NSD3: variants seen among roughly 807,000 people sequenced by gnomAD.
The protein encoded by NSD3 is nuclear receptor binding SET domain protein 3, also known as histone-lysine N-methyltransferase NSD3.
In NSD3, 24 loss-of-function variants were observed where a neutral mutation model predicts 160.8. The ratio of observed to expected loss-of-function variants is 0.15; its 90% confidence interval spans 0.11 to 0.21. The LOEUF is 0.21. Among genes scored for constraint, NSD3 ranks in the 10% least tolerant of loss-of-function variants. NSD3 has a pLI of 1.00. For synonymous variants in NSD3, 520 were observed against 600.0 expected, an observed-to-expected ratio of 0.87 and a Z score of 1.95; for missense variants, 1,157 against 1,735.9, an observed-to-expected ratio of 0.67 and a Z score of 5.93.
At chr8:38,311,200 C>A (rs925693690) in intron 12 of NSD3, among the ~76,000 whole-genome samples, 2 of 151,902 alleles carry the variant, frequency 1.3e-5, no homozygotes, top group African/African-American at 2.4e-5. Context: ...CAGGCATGAG[C>A]CATTGCACCT....
intron 12 of NSD3, among the ~76,000 whole-genome samples, chr8:38,311,260 C>T (rs1809529324): frequency 6.6e-6 from 1 of 152,024 alleles, no homozygotes; most frequent in Admixed American, 6.6e-5. Flanking sequence ...TGTATATTGA[C>T]CATCTGCCTA....
chr8:38,369,559 A>G (rs1390105423), intron 1 of NSD3, among the ~76,000 whole-genome samples: 1 of 152,210 alleles, frequency 6.6e-6, no homozygotes. Context: ...TTTTGTGTAC[A>G]CTATTTTTCT....
chr8:38,360,074 C>A (rs953471093), intron 1 of NSD3, among the ~76,000 whole-genome samples: 2 of 151,198 alleles, frequency 1.3e-5, no homozygotes, highest in African/African-American at 4.9e-5. Flanking sequence ...CAGCTCATGG[C>A]AGCCTCAACT....
chr8:38,294,844 T>A (rs552738271), intron 16 of NSD3, among the ~76,000 whole-genome samples: 120 of 151,364 alleles, frequency 7.9e-4, no homozygotes, highest in African/African-American at 2.1e-3. Flanking sequence ...TAAAAAAAAA[T>A]TTTTAAAGTT....
At position 38,304,655 on chromosome 8, in the gene NSD3, C is replaced by T; in HGVS notation, c.2543G>A (p.Ser848Asn). ...ATTACTGCTCCGTTTGGAATGATTA[C>T]TACAGATGAGAATGTAGGAGGATAC... Reference protein sequence around the residue: ...MLVSSYILICSNHSKRSSNSS... With the variant: ...MLVSSYILICNNHSKRSSNSS... The change falls in exon 14 of 24, where the codon AGT becomes AAT. Residue 848 changes from serine (S) to asparagine (N), a missense_variant. Physicochemically the swap from Ser to Asn is conservative, Grantham distance 46. Coordinates refer to ENST00000317025, the MANE Select transcript of NSD3 (RefSeq NM_023034.2). The T allele has an allele frequency of 1.2e-6, 2 of 1,614,096 alleles. No individual in the cohort carries two copies. The highest frequency in any genetic ancestry group is 1.7e-6 in the Non-Finnish European group (2 of 1,180,004).
chr8:38,313,105 G>A (rs1267246736), intron 12 of NSD3, among the ~76,000 whole-genome samples: 1 of 152,218 alleles, frequency 6.6e-6, no homozygotes, highest in African/African-American at 2.4e-5. Context: ...TTTTACTGCA[G>A]AGTCTAAATG....
intron 1 of NSD3, among the ~76,000 whole-genome samples, chr8:38,373,330 C>T (rs1215255667): frequency 2.0e-5 from 3 of 151,950 alleles, no homozygotes; most frequent in Non-Finnish European, 4.4e-5. Flanking sequence ...TCAAGTCATT[C>T]TCCTGCCTCA....
At chr8:38,284,066 G>GCA (rs1203992682) in intron 19 of NSD3, among the ~76,000 whole-genome samples, 1 of 152,122 alleles carries the variant, frequency 6.6e-6, no homozygotes, top group Non-Finnish European at 1.5e-5. Context: ...CTGTACCACT[G>GCA]CACTCCAACC....
chr8:38,372,609 G>C (rs1811276679), intron 1 of NSD3, among the ~76,000 whole-genome samples: 1 of 149,858 alleles, frequency 6.7e-6, no homozygotes, highest in South Asian at 2.1e-4. Flanking sequence ...CGATTCTCCT[G>C]GCTCAGCCTC....
Position 38,347,884 on chromosome 8 carries a change from T to G in NSD3, c.288A>C (p.Ser96=), listed in dbSNP as rs1354659072. The G allele has an allele frequency of 6.2e-7, 1 of 1,614,264 alleles. No homozygotes were observed. The highest frequency in any genetic ancestry group is 1.1e-5 in the South Asian group (1 of 91,088). Residue 96 remains serine, a synonymous_variant, in exon 2 of 24, where the codon TCA becomes TCC. Coordinates refer to ENST00000317025, the MANE Select transcript of NSD3 (RefSeq NM_023034.2). Reference sequence around the variant, plus strand: ...TTCTAACTGCACCAAAGCCATTGGCTGACCCATTAGGATACTGATTATATG... The same window carrying G: ...TTCTAACTGCACCAAAGCCATTGGCGGACCCATTAGGATACTGATTATATG... ...YQSYNQYPNG[S]ANGFGAVRNF...
chr8:38,364,564 A>G (rs1811064115), intron 1 of NSD3, among the ~76,000 whole-genome samples: 1 of 152,282 alleles, frequency 6.6e-6, no homozygotes, highest in Non-Finnish European at 1.5e-5. Flanking sequence ...ACAAATAACA[A>G]AATGGCAGTC....
At chr8:38,331,147 C>A (rs1810049243) in intron 5 of NSD3, among the ~76,000 whole-genome samples, 1 of 152,176 alleles carries the variant, frequency 6.6e-6, no homozygotes, top group African/African-American at 2.4e-5. Context: ...CCACATTTCA[C>A]TAGCATCTGG....
rs555966305 is a variant in NSD3 at position 38,327,931 on chromosome 8, G to A, written c.1582-1075C>T. 2.2e-4 allele frequency among the ~76,000 whole-genome samples: 33 copies of A among 152,290 alleles called. 1 individual carries two copies. The highest frequency in any genetic ancestry group is 6.8e-3 in the Middle Eastern group (2 of 294). ...ATATGTATTTTTTTGGCCAGGCACCGTGGCTCCTGCCTGTAATCTCAACAC... is the reference window on the plus strand; with the variant it reads ...ATATGTATTTTTTTGGCCAGGCACCATGGCTCCTGCCTGTAATCTCAACAC... On this transcript the variant is annotated intron_variant, in intron 6 of 23. Coordinates refer to ENST00000317025, the MANE Select transcript of NSD3 (RefSeq NM_023034.2).
At position 38,329,191 on chromosome 8, in the gene NSD3, G is replaced by C. The variant is rs1442410450; in HGVS notation, c.1581+187C>G. On this transcript the variant is annotated intron_variant, in intron 6 of 23. Transcript: ENST00000317025. The surrounding 1 kb of genome is among the most constrained non-coding windows in gnomAD (Gnocchi z 4.8). ...AGATGGGAAAATCACAAAAGAAGGG[G>C]ATAAAAAAGAAGAAAAACATAGCCT... Among the ~76,000 whole-genome samples the C allele has an allele frequency of 1.3e-5, 2 of 152,046 alleles. No homozygotes were observed. The highest frequency in any genetic ancestry group is 3.9e-4 in the East Asian group (2 of 5,182).
In NSD3 at chr8:38,331,528, T is replaced by G; in HGVS notation, c.968A>C (p.His323Pro). 6.2e-7 allele frequency: 1 copy of G among 1,614,022 alleles called. No homozygotes were observed. Among genetic ancestry groups the G allele is most frequent in the Non-Finnish European group, 8.5e-7 (1 of 1,179,932 alleles). Residue 323 changes from histidine (H) to proline (P), a missense_variant, in exon 5 of 24, where the codon CAT (histidine) becomes CCT (proline). Coordinates refer to ENST00000317025, the MANE Select transcript of NSD3 (RefSeq NM_023034.2). ...FSNQPERAWVHEKRVREYKGH... is the reference protein window; with the variant it reads ...FSNQPERAWVPEKRVREYKGH... ...TTTATACTCTCGTACCCGTTTTTCA[T>G]GAACCCACGCCCTCTCTGGCTGGTT...
chr8:38,305,387 A>G lies in NSD3; in HGVS notation c.2301T>C (p.Val767=). The G allele has an allele frequency of 1.9e-6, 3 of 1,614,200 alleles. No homozygotes were observed. Among genetic ancestry groups the G allele is most frequent in the Non-Finnish European group, 2.5e-6 (3 of 1,180,028 alleles). The change falls in exon 13 of 24, where the codon GTT becomes GTC. Residue 767 remains valine, a synonymous_variant. Transcript: ENST00000317025. ...VSGKDVKRCS[V]GACGKFYHEA... is the part of the protein sequence containing the mutation. Reference sequence around the variant, plus strand: ...CATGATAAAATTTCCCACAAGCACCAACAGAACAACGCTTCACATCTTTAC... The same window carrying G: ...CATGATAAAATTTCCCACAAGCACCGACAGAACAACGCTTCACATCTTTAC...
intron 16 of NSD3, among the ~76,000 whole-genome samples, chr8:38,293,160 A>T (rs921039443): frequency 1.3e-5 from 2 of 151,478 alleles, no homozygotes; most frequent in Non-Finnish European, 2.9e-5. Flanking sequence ...AAAGAAAAAG[A>T]AAAAGAAGTG....
chr8:38,325,051 A>G (rs1215770935), intron 7 of NSD3, among the ~76,000 whole-genome samples: 1 of 152,238 alleles, frequency 6.6e-6, no homozygotes, highest in Non-Finnish European at 1.5e-5. Context: ...GGCTTGTCTG[A>G]GTTCTGTGAG....
Position 38,329,388 on chromosome 8 carries a change from T to C in NSD3, c.1571A>G (p.Tyr524Cys). ...GAAAAAAGGAGGTACCTTTGTTGAATAAACAAATTGATCGATAAATTTCCC... is the reference window on the plus strand; with the variant it reads ...GAAAAAAGGAGGTACCTTTGTTGAACAAACAAATTGATCGATAAATTTCCC... ...GDGKFIDQFV[Y>C]STKGIGNKTE... Residue 524 changes from tyrosine (Y) to cysteine (C), a missense_variant, in exon 6 of 24, where the codon TAT (tyrosine) becomes TGT (cysteine). Transcript: ENST00000317025. The surrounding 1 kb of genome is among the most constrained non-coding windows in gnomAD (Gnocchi z 4.8). 1 of 1,607,678 alleles carries C rather than the reference T, an allele frequency of 6.2e-7. No individual in the cohort carries two copies. Among genetic ancestry groups the C allele is most frequent in the Non-Finnish European group, 8.5e-7 (1 of 1,175,024 alleles).
Sources: gnomAD v4.1 joint callset for allele counts (sites outside exome capture counted in the v4.1 genomes callset) on GRCh38, gnomAD v4.1.1 for gene constraint, Gnocchi (gnomAD v3.1) non-coding constraint, MANE v1.5 for transcripts, NCBI Gene and HGNC (gene_info 2026-07-23, HGNC 2026-07-21) for gene names.